SDK2: variants seen among roughly 807,000 people sequenced by gnomAD.
SDK2 encodes the protein sidekick cell adhesion molecule 2, also known as protein sidekick-2.
In SDK2, 105 loss-of-function variants were observed where a neutral mutation model predicts 253.9. The observed-to-expected ratio is 0.41, with a 90% CI of 0.35 to 0.49. SDK2 has a LOEUF of 0.49. SDK2 is among the 20% of genes least tolerant of loss of function. SDK2 has a pLI of 0.06. For synonymous variants in SDK2, 1,249 were observed against 1,234.9 expected, an observed-to-expected ratio of 1.01 and a Z score of -0.24; for missense variants, 2,608 against 3,003.0, an observed-to-expected ratio of 0.87 and a Z score of 3.07.
chr17:73,361,663 C>G lies in SDK2; in HGVS notation c.5467+21G>C. The G allele has an allele frequency of 6.2e-7, 1 of 1,602,936 alleles. No individual in the cohort carries two copies. Among genetic ancestry groups the G allele is most frequent in the Non-Finnish European group, 8.5e-7 (1 of 1,170,920 alleles). On this transcript the variant is annotated intron_variant, in intron 39 of 44. Transcript: ENST00000392650. The surrounding 1 kb of genome is among the most constrained non-coding windows in gnomAD (Gnocchi z 4.1). Reference sequence around the variant, plus strand: ...GCTGAACCGCCGTGTGGAAGACATGCCTGGTCCGTTGCTCTCCTACCTTCT... The same window carrying G: ...GCTGAACCGCCGTGTGGAAGACATGGCTGGTCCGTTGCTCTCCTACCTTCT...
At position 73,424,082 on chromosome 17, in the gene SDK2, C is replaced by A. The variant is rs1359655167; in HGVS notation, c.1594G>T (p.Glu532Ter). The A allele has an allele frequency of 6.2e-7, 1 of 1,611,636 alleles. No homozygotes were observed. Among genetic ancestry groups the A allele is most frequent in the Admixed American group, 1.7e-5 (1 of 59,904 alleles). ...DPRVTIRYIW[E>*]KDGATLGTES... ...GTGCCCAGGGTGGCCCCGTCCTTCT[C>A]CCAGATGTACCTAAAAGTAAGAAGA... Residue 532 changes from glutamate (E) to a stop codon, truncating the protein, a stop_gained, in exon 13 of 45, where the codon GAG becomes TAG. Transcript: ENST00000392650. LOFTEE classifies it high-confidence loss of function.
rs138356867 is a variant in SDK2 at position 73,499,851 on chromosome 17, A to T, written c.224+7587T>A. Among the ~76,000 whole-genome samples the T allele has an allele frequency of 4.3e-3, 629 of 147,524 alleles. 5 individuals carry two copies. The highest frequency in any genetic ancestry group is 0.015 in the African/African-American group (601 of 39,704). ...TTAATCCGTGCATGCCCAATTATGC[A>T]TGGGAATCTGTGTGTGTGTGTGTGT... On this transcript the variant is annotated intron_variant, in intron 2 of 44. Coordinates refer to ENST00000392650, the MANE Select transcript of SDK2 (RefSeq NM_001144952.2).
At chr17:73,430,384 G>A (rs774000225) in intron 12 of SDK2, 127 bp downstream of exon 12, 2 of 688,974 alleles carry the variant, frequency 2.9e-6, no homozygotes, top group Non-Finnish European at 5.0e-6. Context: ...CTCTGGAAAT[G>A]CCACTGCCCA....
chr17:73,516,746 T>C (rs7226276), intron 1 of SDK2: 69,352 of 152,208 alleles, frequency 0.46, 16,983 homozygotes, highest in African/African-American at 0.65. Flanking sequence ...GAGCCTGGGA[T>C]GGTGCAATCA....
In SDK2 at chr17:73,336,342, C is replaced by G. The variant is rs1176208519; in HGVS notation, c.*2245G>C. 1 of 152,130 alleles carries G rather than the reference C, an allele frequency of 6.6e-6. No individual in the cohort carries two copies. Among genetic ancestry groups the G allele is most frequent in the Non-Finnish European group, 1.5e-5 (1 of 68,050 alleles). 9.4% of individuals were successfully genotyped at this position (152,130 alleles called of 1,614,324 possible). Reference sequence around the variant, plus strand: ...GGTGTCCAGCTGACTCCACTGCAGCCCCCAGACAAGTCCAAGGAGGCCCCG... The same window carrying G: ...GGTGTCCAGCTGACTCCACTGCAGCGCCCAGACAAGTCCAAGGAGGCCCCG... On this transcript the variant is annotated 3_prime_UTR_variant, in exon 45 of 45. Coordinates refer to ENST00000392650, the MANE Select transcript of SDK2 (RefSeq NM_001144952.2).
intron 1 of SDK2, among the ~76,000 whole-genome samples, chr17:73,582,888 C>T (rs906274363): frequency 1.3e-5 from 2 of 152,306 alleles, no homozygotes; most frequent in East Asian, 1.9e-4. Context: ...CTCCCTGCAA[C>T]GCCCCTCTCT....
intron 2 of SDK2, among the ~76,000 whole-genome samples, chr17:73,505,150 G>C (rs903582427): frequency 6.6e-6 from 1 of 152,236 alleles, no homozygotes; most frequent in African/African-American, 2.4e-5. Flanking sequence ...TTGCAGAGCA[G>C]TTAGCCGAAA....
rs61752521 is a variant in SDK2 at position 73,390,438 on chromosome 17, G to T, written c.4041C>A (p.Thr1347=). ...TGGGTGCCAGCACCTCCACAGTGGCGGTGTTGGCCGTGGTGGTGTTGAGCC... is the reference window on the plus strand; with the variant it reads ...TGGGTGCCAGCACCTCCACAGTGGCTGTGTTGGCCGTGGTGGTGTTGAGCC... The part of the protein sequence containing the change: ...THRLNTTTAN[T]ATVEVLAPSA... The change falls in exon 29 of 45, where the codon ACC becomes ACA. Residue 1347 remains threonine, a synonymous_variant. Coordinates refer to ENST00000392650, the MANE Select transcript of SDK2 (RefSeq NM_001144952.2). The T allele has an allele frequency of 0.2, 322,236 of 1,611,938 alleles. 34,371 individuals carry two copies. Among genetic ancestry groups the T allele is most frequent in the African/African-American group, 0.39 (29,200 of 74,940 alleles).
chr17:73,491,987 C>T (rs895284591), intron 2 of SDK2, among the ~76,000 whole-genome samples: 3 of 152,174 alleles, frequency 2.0e-5, no homozygotes, highest in Non-Finnish European at 4.4e-5. Context: ...TCCCCACTCC[C>T]GAAATCTGGG....
chr17:73,420,729 G>A (rs937526011), intron 15 of SDK2, among the ~76,000 whole-genome samples: 17 of 152,020 alleles, frequency 1.1e-4, no homozygotes, highest in African/African-American at 4.1e-4. Context: ...AGGCTGGAGT[G>A]CGGTGGCACG....
intron 2 of SDK2, among the ~76,000 whole-genome samples, chr17:73,478,995 C>G (rs934662896): frequency 6.6e-6 from 1 of 152,274 alleles, no homozygotes; most frequent in African/African-American, 2.4e-5. Flanking sequence ...CATTCATGCA[C>G]GCCGTGCTGT....
chr17:73,632,286 G>C (rs1417750556), intron 1 of SDK2, among the ~76,000 whole-genome samples: 2 of 152,218 alleles, frequency 1.3e-5, no homozygotes, highest in Non-Finnish European at 2.9e-5. Flanking sequence ...CCCTCAGTCT[G>C]GGTGGGCACC....
chr17:73,517,287 T>G (rs978948214), intron 1 of SDK2: 2 of 152,222 alleles, frequency 1.3e-5, no homozygotes, highest in African/African-American at 4.8e-5. Flanking sequence ...ATTCATGTCC[T>G]TCCCAAAACC....
Position 73,586,650 on chromosome 17 carries a change from C to T in SDK2, c.64+57375G>A, listed in dbSNP as rs183248635. Among the ~76,000 whole-genome samples the T allele has an allele frequency of 2.9e-3, 437 of 152,228 alleles. 4 individuals carry two copies. The highest frequency in any genetic ancestry group is 7.2e-4 in the Non-Finnish European group (49 of 68,020). On this transcript the variant is annotated intron_variant, in intron 1 of 44. Coordinates refer to ENST00000392650, the MANE Select transcript of SDK2 (RefSeq NM_001144952.2). ...TTGGGGGCCACCCAAACTTGAGTCC[C>T]AGAACCAGACCCCTGGTCGACCAGC... is the stretch of plus-strand genomic sequence containing the variant.
intron 40 of SDK2, 198 bp downstream of exon 40, chr17:73,357,881 G>A: frequency 3.7e-6 from 3 of 805,872 alleles, no homozygotes; most frequent in Non-Finnish European, 2.1e-6. Flanking sequence ...GGCCTCCTGG[G>A]GGTTACTTAG....
chr17:73,376,511 G>T (rs542630455), intron 36 of SDK2, among the ~76,000 whole-genome samples: 2 of 152,332 alleles, frequency 1.3e-5, no homozygotes, highest in South Asian at 2.1e-4. Context: ...CGTGCGTGTT[G>T]ATGTCAGTAC....
Position 73,430,496 on chromosome 17 carries a change from C to A in SDK2, c.1583+15G>T. On this transcript the variant is annotated intron_variant, in intron 12 of 44. Transcript: ENST00000392650. ...CCCCTCCCCTCTTGCCTGGAGTCAA[C>A]AGCAGAGCCAGTACCTGATGGTTAC... 6.3e-7 allele frequency: 1 copy of A among 1,588,060 alleles called. No individual in the cohort carries two copies. Among genetic ancestry groups the A allele is most frequent in the Non-Finnish European group, 8.6e-7 (1 of 1,162,454 alleles).
rs752779529 is a variant in SDK2 at position 73,401,961 on chromosome 17, G to A, written c.2665C>T (p.Arg889Cys). The A allele has an allele frequency of 8.7e-6, 14 of 1,609,518 alleles. No homozygotes were observed. The Admixed American group carries it at 1.8e-4, about 21-fold the overall frequency. Residue 889 changes from arginine to cysteine, a missense_variant, in exon 19 of 45, where the codon CGC becomes TGC. Physicochemically the swap from Arg to Cys is radical, Grantham distance 180 (BLOSUM62 -3). Transcript: ENST00000392650. ...DGPRSTPQLV[R>C]THEDVPGPVG... is the part of the protein sequence containing the mutation. The stretch of plus-strand genomic sequence containing the variant: ...GGGTGCCTACCATCCTCATGGGTGC[G>A]CACCAGCTGCGGGGTGCTGCGTGGC...
rs889608169 is a variant in SDK2, at chr17:73,612,426, C to T, written c.64+31599G>A. ...CAGCTGCACCTAGGCTGCAGGCTGG[C>T]CTCCCAAGGTCCCCTACCCTCACTG... On this transcript the variant is annotated intron_variant, in intron 1 of 44. Transcript: ENST00000392650. This position sits in a 1 kb window ranked among gnomAD's most constrained non-coding sequence, Gnocchi z 4.4. 6.6e-6 allele frequency among the ~76,000 whole-genome samples: 1 copy of T among 152,128 alleles called. No homozygotes were observed. Among genetic ancestry groups the T allele is most frequent in the Non-Finnish European group, 1.5e-5 (1 of 68,020 alleles).
Sources: allele counts gnomAD v4.1 joint callset (sites outside exome capture counted in the v4.1 genomes callset), GRCh38; gene constraint gnomAD v4.1.1; non-coding constraint Gnocchi (gnomAD v3.1); transcripts MANE v1.5; gene names NCBI Gene and HGNC (gene_info 2026-07-23, HGNC 2026-07-21).